CUL2: variants seen among roughly 807,000 people sequenced by gnomAD.
CUL2 encodes cullin 2.
CUL2 carries 22 observed loss-of-function variants against 110.2 expected under a neutral mutation model. The observed-to-expected ratio is 0.20, with a 90% CI of 0.14 to 0.28. CUL2 has a LOEUF of 0.28. CUL2 is among the 10% of genes least tolerant of loss of function. The pLI, the probability that CUL2 is intolerant of heterozygous loss-of-function variation, is 1.00. For missense variants in CUL2, 631 were observed against 905.5 expected (o/e 0.70, Z 3.89); for synonymous variants, 279 against 293.2 (o/e 0.95, Z 0.49).
At chr10:35,067,540 C>G (rs2086565332) in intron 2 of CUL2, among the ~76,000 whole-genome samples, 1 of 151,912 alleles carries the variant, frequency 6.6e-6, no homozygotes, top group Non-Finnish European at 1.5e-5. Context: ...CACTTAAGAT[C>G]AGAAGTTCAA....
At chr10:35,093,689 AAAG>A (rs1246866568), upstream of CUL2, among the ~76,000 whole-genome samples, 2 of 151,300 alleles carry the variant, frequency 1.3e-5, no homozygotes, top group East Asian at 1.9e-4. Context: ...AAAGAAAAGA[AAAG>A]AAGAAGAAAT....
chr10:35,084,035 G>A (rs529758901), intron 1 of CUL2, among the ~76,000 whole-genome samples: 1 of 152,254 alleles, frequency 6.6e-6, no homozygotes, highest in African/African-American at 2.4e-5. Context: ...CCAGCACCTT[G>A]GAAGGCCAAA....
chr10:35,035,313 A>G lies in CUL2; in HGVS notation c.878-17T>C. On this transcript the variant is annotated splice_polypyrimidine_tract_variant and intron_variant, in intron 9 of 20. Transcript: ENST00000374749. ...TTGCCATGTCTGAGAGGAAAAAGAC[A>G]TCTGAGGGTTAACTCCCAAATATTT... 6.2e-7 allele frequency: 1 copy of G among 1,612,914 alleles called. No homozygotes were observed. The highest frequency in any genetic ancestry group is 8.5e-7 in the Non-Finnish European group (1 of 1,178,964).
At chr10:35,074,849 T>C (rs1284106401) in intron 1 of CUL2, among the ~76,000 whole-genome samples, 1 of 152,172 alleles carries the variant, frequency 6.6e-6, no homozygotes, top group Non-Finnish European at 1.5e-5. Flanking sequence ...CTATCATAGG[T>C]ATTACCTGAG....
intron 9 of CUL2, 29 bp downstream of exon 9, chr10:35,038,879 GATTTATAATTTA>G (rs1564713054): frequency 4.3e-6 from 6 of 1,391,446 alleles, no homozygotes; most frequent in Non-Finnish European, 5.9e-6. Context: ...ATAAAAGGTG[GATTTATAATTTA>G]ATTTCTACTC....
chr10:35,011,883 G>A lies in CUL2; in HGVS notation c.2071C>T (p.Arg691Ter). 1 of 1,613,654 alleles carries A rather than the reference G, an allele frequency of 6.2e-7. No homozygotes were observed. Among genetic ancestry groups the A allele is most frequent in the Non-Finnish European group, 8.5e-7 (1 of 1,179,664 alleles). Residue 691 changes from arginine to a stop codon, truncating the protein, a stop_gained, in exon 20 of 21, where the codon CGA (arginine) becomes TGA (stop). Transcript: ENST00000374749. LOFTEE classifies it high-confidence loss of function. ...AGGGCATTGTGCCGAAGCACTTTTC[G>A]TGCTTTCATGATACGAACTATAGCA... ...QAAIVRIMKARKVLRHNALIQ... is the reference protein window; with the variant it reads ...QAAIVRIMKA
chr10:35,061,039 C>T, intron 3 of CUL2, 71 bp from the exon 4 acceptor site: 1 of 1,446,870 alleles, frequency 6.9e-7, no homozygotes, highest in Non-Finnish European at 9.4e-7. Context: ...TAAAATGTAT[C>T]AAAATTAATG....
At chr10:35,092,811 A>C (rs1234205596), upstream of CUL2, among the ~76,000 whole-genome samples, 1 of 152,128 alleles carries the variant, frequency 6.6e-6, no homozygotes, top group Non-Finnish European at 1.5e-5. Flanking sequence ...GGGATGAAAA[A>C]CCACCTTTGG....
chr10:35,109,302 A>G (rs1307094781), intron 1 of CUL2, among the ~76,000 whole-genome samples: 1 of 152,224 alleles, frequency 6.6e-6, no homozygotes, highest in African/African-American at 2.4e-5. Flanking sequence ...AGGCAGAATT[A>G]TACATTTATG....
intron 16 of CUL2, among the ~76,000 whole-genome samples, chr10:35,027,975 C>T (rs1346773145): frequency 6.6e-6 from 1 of 152,120 alleles, no homozygotes; most frequent in Non-Finnish European, 1.5e-5. Flanking sequence ...TAAAGGAAAA[C>T]TTCATTTCTG....
chr10:35,106,355 T>C (rs2087455867), intron 1 of CUL2, among the ~76,000 whole-genome samples: 1 of 151,848 alleles, frequency 6.6e-6, no homozygotes, highest in Non-Finnish European at 1.5e-5. Flanking sequence ...AGTCTCACTC[T>C]GTAGCCCAGG....
chr10:35,118,542 C>T (rs182446788), intron 1 of CUL2: 23 of 152,288 alleles, frequency 1.5e-4, no homozygotes, highest in African/African-American at 5.5e-4. Context: ...AACATTCTCC[C>T]TTCTTTCTCT....
At chr10:35,028,361 C>T (rs1391926934) in intron 16 of CUL2, among the ~76,000 whole-genome samples, 2 of 152,218 alleles carry the variant, frequency 1.3e-5, no homozygotes, top group East Asian at 1.9e-4. Flanking sequence ...CTATCAATCA[C>T]TGTTACTACT....
chr10:35,109,459 T>C (rs1223818842), intron 1 of CUL2, among the ~76,000 whole-genome samples: 1 of 152,142 alleles, frequency 6.6e-6, no homozygotes. Context: ...CAGATAAAAA[T>C]CAGGTAAATG....
chr10:35,048,661 C>T (rs935151240), intron 6 of CUL2, among the ~76,000 whole-genome samples: 1 of 152,134 alleles, frequency 6.6e-6, no homozygotes, highest in African/African-American at 2.4e-5. Context: ...CGGGTTACAC[C>T]CTACTGCTTC....
At chr10:35,037,076 A>G (rs2085641143) in intron 9 of CUL2, among the ~76,000 whole-genome samples, 1 of 152,116 alleles carries the variant, frequency 6.6e-6, no homozygotes, top group Non-Finnish European at 1.5e-5. Context: ...TTTGTGTCCT[A>G]TTTAAAATAT....
chr10:35,101,203 T>G (rs1443055382), intron 1 of CUL2: 2 of 152,118 alleles, frequency 1.3e-5, no homozygotes, highest in African/African-American at 4.8e-5. Context: ...TTAATTTAGC[T>G]CAACTAAAAA....
At chr10:35,070,119 C>T (rs985935683) in intron 2 of CUL2, among the ~76,000 whole-genome samples, 1 of 152,106 alleles carries the variant, frequency 6.6e-6, no homozygotes, top group African/African-American at 2.4e-5. Flanking sequence ...TTTCCTTATC[C>T]GTTACAGTCA....
Position 35,009,991 on chromosome 10 carries a change from TAA to T in CUL2, c.*318_*319del, listed in dbSNP as rs147061473. On this transcript the variant is annotated 3_prime_UTR_variant, in exon 21 of 21. Coordinates refer to ENST00000374749, the MANE Select transcript of CUL2 (RefSeq NM_003591.4). ...AAATTTTATGTCCTTTAAGATACAT[TAA>T]AAAAAAAAAAAAAGACACATCAACT... is the stretch of plus-strand genomic sequence containing the variant. The T allele has an allele frequency of 2.1e-3, 285 of 138,372 alleles. No individual in the cohort carries two copies. The highest frequency in any genetic ancestry group is 4.6e-3 in the African/African-American group (171 of 37,576). 8.6% of individuals were successfully genotyped at this position (138,372 alleles called of 1,614,324 possible).
Sources: allele counts gnomAD v4.1 joint callset (sites outside exome capture counted in the v4.1 genomes callset), GRCh38; gene constraint gnomAD v4.1.1; transcripts MANE v1.5; gene names NCBI Gene and HGNC (gene_info 2026-07-23, HGNC 2026-07-21).